The following KMT2A variants were observed in gnomAD, a reference collection of about 807,000 sequenced individuals.
KMT2A encodes lysine methyltransferase 2A.
Under a neutral mutation model 345.3 loss-of-function variants are expected in KMT2A, and 16 were observed. The observed-to-expected ratio is 0.05, with a 90% CI of 0.03 to 0.07. KMT2A has a LOEUF of 0.07. Ranked by LOEUF, KMT2A falls within the 10% of genes least tolerant of loss-of-function variation. The pLI, the probability that KMT2A is intolerant of heterozygous loss-of-function variation, is 1.00. For missense variants in KMT2A, 3,272 were observed against 4,841.6 expected, an observed-to-expected ratio of 0.68 and a Z score of 9.62; for synonymous variants, 1,599 against 1,778.6, an observed-to-expected ratio of 0.90 and a Z score of 2.54.
rs1157040605 is a variant in KMT2A at position 118,526,194 on chromosome 11, G to C, written c.*4022G>C. On this transcript the variant is annotated 3_prime_UTR_variant, in exon 36 of 36. Transcript: ENST00000534358. ...GTAGAACAGTCCATTCCTCGGATCA[G>C]AGAAAAATGCAGACATGGTGTCACC... is the stretch of plus-strand genomic sequence containing the variant. 4.6e-6 allele frequency: 1 copy of C among 216,630 alleles called. No homozygotes were observed. Among genetic ancestry groups the C allele is most frequent in the African/African-American group, 2.2e-5 (1 of 44,480 alleles). 13.4% of individuals were successfully genotyped at this position (216,630 alleles called of 1,614,324 possible).
At chr11:118,475,648 G>A (rs1336151564) in intron 3 of KMT2A, among the ~76,000 whole-genome samples, 1 of 151,954 alleles carries the variant, frequency 6.6e-6, no homozygotes, top group Admixed American at 6.6e-5. Flanking sequence ...GCTTGAACCC[G>A]GGAGGCGGAG....
intron 3 of KMT2A, 57 bp downstream of exon 3, chr11:118,474,372 G>A (rs2134274111): frequency 6.4e-7 from 1 of 1,555,598 alleles, no homozygotes; most frequent in South Asian, 1.2e-5. Context: ...CTTTCTATGG[G>A]CAAGTTTTAG....
intron 1 of KMT2A, among the ~76,000 whole-genome samples, chr11:118,457,213 A>G (rs1949660598): frequency 6.6e-6 from 1 of 150,510 alleles, no homozygotes; most frequent in Non-Finnish European, 1.5e-5. Context: ...GATAAACTTC[A>G]AACTCATGAA....
At chr11:118,438,858 T>A (rs537682548) in intron 1 of KMT2A, among the ~76,000 whole-genome samples, 213 of 152,300 alleles carry the variant, frequency 1.4e-3, no homozygotes, top group Middle Eastern at 0.01. Context: ...TTCCTTGCTA[T>A]GTAGCTAGCT....
rs2134350107 is a variant in KMT2A at position 118,494,409 on chromosome 11, T to C, written c.5289+11T>C. On this transcript the variant is annotated intron_variant, in intron 17 of 35. Transcript: ENST00000534358. The surrounding 1 kb of genome is among the most constrained non-coding windows in gnomAD (Gnocchi z 5.8). ...TCCTTCTTCATTCGGGTGAATGATA[T>C]TACTAATTCATGTTTTTAATGCTTA... 2 of 1,362,880 alleles carry C rather than the reference T, an allele frequency of 1.5e-6. No individual in the cohort carries two copies. The highest frequency in any genetic ancestry group is 2.1e-6 in the Non-Finnish European group (2 of 952,020). The allele number at this position is 1,362,880 out of a possible 1,614,324, so 84.4% of individuals were successfully genotyped here. A position where few individuals can be genotyped will look rare whatever the true frequency, so the allele number is the denominator to read the frequency against.
chr11:118,465,806 C>CT (rs1485715349), intron 1 of KMT2A, among the ~76,000 whole-genome samples: 5 of 151,848 alleles, frequency 3.3e-5, no homozygotes, highest in Admixed American at 2.6e-4. Flanking sequence ...TTTTTAATGT[C>CT]TTTTTTTTCT....
chr11:118,516,327 A>G (rs1163814444), intron 31 of KMT2A, among the ~76,000 whole-genome samples: 3 of 152,190 alleles, frequency 2.0e-5, no homozygotes, highest in African/African-American at 7.2e-5. Flanking sequence ...GAAGAAGCCA[A>G]TCATGCATAT....
At chr11:118,440,514 A>T (rs1949290609) in intron 1 of KMT2A, among the ~76,000 whole-genome samples, 2 of 152,196 alleles carry the variant, frequency 1.3e-5, no homozygotes, top group Non-Finnish European at 2.9e-5. Flanking sequence ...CCCCTGAAAC[A>T]GTGTGTTTAT....
rs1555046467 is a variant in KMT2A at position 118,503,130 on chromosome 11, G to T, written c.7238G>T (p.Arg2413Ile). The stretch of plus-strand genomic sequence containing the variant: ...TTGAAGCTATCTGGAATGAGCAACA[G>T]ATCATCCATTATCAACGAACATATG... ...KTLKLSGMSN[R>I]SSIINEHMGS... The change falls in exon 27 of 36, where the codon AGA becomes ATA. Residue 2413 changes from arginine to isoleucine, a missense_variant. Coordinates refer to ENST00000534358, the MANE Select transcript of KMT2A (RefSeq NM_001197104.2). This position sits in a 1 kb window ranked among gnomAD's most constrained non-coding sequence, Gnocchi z 5.3. 2.5e-6 allele frequency: 4 copies of T among 1,613,650 alleles called. No individual in the cohort carries two copies. The highest frequency in any genetic ancestry group is 3.4e-6 in the Non-Finnish European group (4 of 1,180,020).
At position 118,505,083 on chromosome 11, in the gene KMT2A, A is replaced by G. The variant is rs782494435; in HGVS notation, c.9191A>G (p.Asn3064Ser). Residue 3064 changes from asparagine to serine, a missense_variant, in exon 27 of 36, where the codon AAT (asparagine) becomes AGT (serine). This residue lies in a region of KMT2A where 748 missense variants were observed against 922.2 expected (regional missense o/e 0.81). Transcript: ENST00000534358. This position sits in a 1 kb window ranked among gnomAD's most constrained non-coding sequence, Gnocchi z 4.6. ...TDSPGPSQIS[N>S]AAVQTTPPHL... ...AGTCCTGGCCCGTCTCAGATTTCCA[A>G]TGCAGCTGTCCAGACCACTCCACCC... The G allele has an allele frequency of 2.1e-5, 34 of 1,614,096 alleles. No homozygotes were observed. In the Admixed American group the frequency reaches 3.7e-4, roughly 17 times the overall value.
intron 10 of KMT2A, among the ~76,000 whole-genome samples, chr11:118,486,202 A>G (rs1950226630): frequency 6.6e-6 from 1 of 152,240 alleles, no homozygotes. Context: ...AAAGATGTCC[A>G]TGACATATCA....
chr11:118,438,558 A>G (rs1410511513), intron 1 of KMT2A, among the ~76,000 whole-genome samples: 5 of 152,112 alleles, frequency 3.3e-5, no homozygotes, highest in Non-Finnish European at 5.9e-5. Context: ...AAAGGGAAAG[A>G]TAACAACCAG....
At chr11:118,477,106 G>A (rs1950050948) in intron 4 of KMT2A, 124 bp downstream of exon 4, 1 of 869,160 alleles carries the variant, frequency 1.2e-6, no homozygotes, top group Non-Finnish European at 1.8e-6. Context: ...GGCAAGAGGG[G>A]ATTAAATACA....
chr11:118,452,225 A>G (rs1949554494), intron 1 of KMT2A, among the ~76,000 whole-genome samples: 1 of 152,148 alleles, frequency 6.6e-6, no homozygotes, highest in South Asian at 2.1e-4. Context: ...GAGATTTTAA[A>G]TGTTCTCAAA....
At position 118,489,855 on chromosome 11, in the gene KMT2A, C is replaced by A; in HGVS notation, c.4543C>A (p.Pro1515Thr). Residue 1515 changes from proline (P) to threonine (T), a missense_variant, in exon 12 of 36, where the codon CCC becomes ACC. Coordinates refer to ENST00000534358, the MANE Select transcript of KMT2A (RefSeq NM_001197104.2). ...YHPECLGPNY[P>T]TKPTKKKKVW... Reference sequence around the variant, plus strand: ...CCCTGAGTGCCTGGGACCAAACTACCCCACCAAACCCACAAAGAAGAAGAA... The same window carrying A: ...CCCTGAGTGCCTGGGACCAAACTACACCACCAAACCCACAAAGAAGAAGAA... 6.2e-7 allele frequency: 1 copy of A among 1,614,094 alleles called. No individual in the cohort carries two copies. Among genetic ancestry groups the A allele is most frequent in the Non-Finnish European group, 8.5e-7 (1 of 1,180,006 alleles).
Position 118,498,238 on chromosome 11 carries a change from T to C in KMT2A, c.5803-132T>C. ...TCAACAGATAAAATGATAAATTTTA[T>C]CTGTTTTCAATTTATCAATAGATAA... On this transcript the variant is annotated intron_variant, in intron 21 of 35. Transcript: ENST00000534358. This position sits in a 1 kb window ranked among gnomAD's most constrained non-coding sequence, Gnocchi z 4.4. The C allele has an allele frequency of 1.7e-6, 2 of 1,185,236 alleles. No homozygotes were observed. The highest frequency in any genetic ancestry group is 2.4e-6 in the Non-Finnish European group (2 of 837,594). The allele number at this position is 1,185,236 out of a possible 1,614,324, so 73.4% of individuals were successfully genotyped here.
At chr11:118,465,505 T>C (rs1320224742) in intron 1 of KMT2A, among the ~76,000 whole-genome samples, 2 of 152,196 alleles carry the variant, frequency 1.3e-5, no homozygotes, top group Non-Finnish European at 2.9e-5. Context: ...GCTTTCCAAG[T>C]GATTTCACAT....
Position 118,506,089 on chromosome 11 carries a change from T to C in KMT2A, c.10197T>C (p.Pro3399=), listed in dbSNP as rs1950577259. The stretch of plus-strand genomic sequence containing the variant: ...AGAGCCTGGGGATTCAGGACCAGCC[T>C]GTGGCTTTACCGCCAAGTTCAGGAA... The part of the protein sequence containing the change: ...SQQSLGIQDQ[P]VALPPSSGMF... The change falls in exon 27 of 36, where the codon CCT becomes CCC. Residue 3399 remains proline (P), a synonymous_variant. Transcript: ENST00000534358. 1.2e-6 allele frequency: 2 copies of C among 1,614,196 alleles called. No individual in the cohort carries two copies. The highest frequency in any genetic ancestry group is 1.7e-6 in the Non-Finnish European group (2 of 1,180,042).
In KMT2A at chr11:118,503,988, G is replaced by A. The variant is rs956313303; in HGVS notation, c.8096G>A (p.Arg2699Gln). Residue 2699 changes from arginine (R) to glutamine (Q), a missense_variant, in exon 27 of 36, where the codon CGA (arginine) becomes CAA (glutamine). Coordinates refer to ENST00000534358, the MANE Select transcript of KMT2A (RefSeq NM_001197104.2). The surrounding 1 kb of genome is among the most constrained non-coding windows in gnomAD (Gnocchi z 5.3). ...RTVISSGGEE[R>Q]LASHNLFREE... The stretch of plus-strand genomic sequence containing the variant: ...GTGATTTCTTCAGGTGGAGAGGAAC[G>A]ACTGGCATCCCATAATTTATTTCGG... The A allele has an allele frequency of 1.8e-5, 29 of 1,614,150 alleles. No homozygotes were observed. Among genetic ancestry groups the A allele is most frequent in the Non-Finnish European group, 2.5e-5 (29 of 1,180,040 alleles).
Sources: allele counts gnomAD v4.1 joint callset (sites outside exome capture counted in the v4.1 genomes callset), GRCh38; gene constraint gnomAD v4.1.1; regional missense constraint gnomAD v4.1.1; non-coding constraint Gnocchi (gnomAD v3.1); transcripts MANE v1.5; gene names NCBI Gene and HGNC (gene_info 2026-07-23, HGNC 2026-07-21).